ZNF609: variants seen among roughly 807,000 people sequenced by gnomAD.
The protein encoded by ZNF609 is zinc finger protein 609.
ZNF609 carries 11 observed loss-of-function variants against 109.5 expected under a neutral mutation model. The observed-to-expected ratio is 0.10, with a 90% CI of 0.06 to 0.17. The LOEUF is 0.17. ZNF609 is among the 10% of genes least tolerant of loss of function. The pLI is 1.00. For missense variants in ZNF609, 1,559 were observed against 1,772.4 expected (o/e 0.88, Z 2.16); for synonymous variants, 646 against 662.0 (o/e 0.98, Z 0.37).
At chr15:64,475,796 A>G (rs919130115) in intron 1 of ZNF609, among the ~76,000 whole-genome samples, 10 of 152,212 alleles carry the variant, frequency 6.6e-5, no homozygotes, top group Non-Finnish European at 1.0e-4. Flanking sequence ...CTCTTAGCCC[A>G]GTGCTTCTTT....
At chr15:64,550,101 A>G (rs915450632) in intron 2 of ZNF609, among the ~76,000 whole-genome samples, 5 of 151,818 alleles carry the variant, frequency 3.3e-5, no homozygotes, top group Admixed American at 2.0e-4. Flanking sequence ...ACAGGCATGC[A>G]CCACCACACC....
At chr15:64,586,657 CCT>C (rs1384249181) in intron 2 of ZNF609, among the ~76,000 whole-genome samples, 1 of 152,046 alleles carries the variant, frequency 6.6e-6, no homozygotes, top group Non-Finnish European at 1.5e-5. Flanking sequence ...CGCCAACCCC[CCT>C]CTGTCTGTGG....
At chr15:64,492,837 G>A (rs914414881) in intron 1 of ZNF609, among the ~76,000 whole-genome samples, 2 of 152,156 alleles carry the variant, frequency 1.3e-5, no homozygotes, top group African/African-American at 4.8e-5. Flanking sequence ...CTGACTCAGA[G>A]TTCATTGTTC....
At position 64,509,333 on chromosome 15, in the gene ZNF609, G is replaced by C. The variant is rs1012635451; in HGVS notation, c.747+9167G>C. ...AGTAAATAATAGTACTGACCTCATA[G>C]GGTTATTGTGAGGATTAAATGAGAT... On this transcript the variant is annotated intron_variant, in intron 2 of 9. Coordinates refer to ENST00000326648, the MANE Select transcript of ZNF609 (RefSeq NM_015042.2). Among the ~76,000 whole-genome samples, 54 of 152,144 alleles carry C rather than the reference G, an allele frequency of 3.5e-4. 1 individual carries two copies. The highest frequency in any genetic ancestry group is 3.3e-3 in the Admixed American group (51 of 15,270).
intron 2 of ZNF609, among the ~76,000 whole-genome samples, chr15:64,609,124 CTTTCT>C (rs1895670191): frequency 1.5e-4 from 5 of 33,394 alleles, no homozygotes; most frequent in Admixed American, 4.2e-4. Flanking sequence ...TTCTTTCTTT[CTTTCT>C]TTTTTTCTTT....
chr15:64,531,562 TA>T (rs1894061658), intron 2 of ZNF609, among the ~76,000 whole-genome samples: 1 of 152,086 alleles, frequency 6.6e-6, no homozygotes, highest in Non-Finnish European at 1.5e-5. Flanking sequence ...CATGCCCAGC[TA>T]ATTTTTTATA....
chr15:64,510,195 A>G (rs939315640), intron 2 of ZNF609, among the ~76,000 whole-genome samples: 1 of 129,038 alleles, frequency 7.7e-6, no homozygotes, highest in African/African-American at 2.6e-5. Context: ...CATTGTTATA[A>G]TTTTTTTTTC....
At chr15:64,607,846 TC>T in intron 2 of ZNF609, among the ~76,000 whole-genome samples, 2 of 21,860 alleles carry the variant, frequency 9.1e-5, no homozygotes, top group Non-Finnish European at 1.9e-4. Flanking sequence ...TTTCTTTCTT[TC>T]TTTCTTTCTT....
Position 64,674,071 on chromosome 15 carries a change from A to C in ZNF609, c.1217A>C (p.Asn406Thr). 6.2e-7 allele frequency: 1 copy of C among 1,614,198 alleles called. No homozygotes were observed. Among genetic ancestry groups the C allele is most frequent in the Non-Finnish European group, 8.5e-7 (1 of 1,180,034 alleles). ...AGCAGCAAAACCCGGGCAGGAGCCA[A>C]TAGCAAAGGCCGTCGGGGCAGCCAG... ...SNSSKTRAGA[N>T]SKGRRGSQNS... The change falls in exon 5 of 10, where the codon AAT (asparagine) becomes ACT (threonine). Residue 406 changes from asparagine (N) to threonine (T), a missense_variant. Physicochemically the swap from Asn to Thr is moderately conservative, Grantham distance 65. Transcript: ENST00000326648.
intron 1 of ZNF609, among the ~76,000 whole-genome samples, chr15:64,464,743 A>G (rs1205492722): frequency 2.0e-5 from 3 of 152,160 alleles, no homozygotes; most frequent in Non-Finnish European, 2.9e-5. Flanking sequence ...AGTGTCAGTG[A>G]AGGACTCTTT....
chr15:64,471,472 T>G (rs1893090485), intron 1 of ZNF609: 2 of 152,210 alleles, frequency 1.3e-5, no homozygotes, highest in African/African-American at 2.4e-5. Context: ...TTCCCAGCCA[T>G]CTATAGCACA....
At chr15:64,608,308 ATTG>A (rs61678816) in intron 2 of ZNF609, among the ~76,000 whole-genome samples, 7,301 of 152,246 alleles carry the variant, frequency 0.048, 229 homozygotes, top group South Asian at 0.086. Context: ...TTTTAATATA[ATTG>A]TATTTGTAAT....
intron 4 of ZNF609, among the ~76,000 whole-genome samples, chr15:64,670,932 G>A (rs1427938525): frequency 1.4e-5 from 2 of 147,748 alleles, no homozygotes; most frequent in Non-Finnish European, 3.0e-5. Flanking sequence ...TCGGGGGGCC[G>A]GGTACGGTGG....
Position 64,674,875 on chromosome 15 carries a change from C to T in ZNF609, c.2021C>T (p.Ala674Val), listed in dbSNP as rs1896785570. The T allele has an allele frequency of 6.2e-7, 1 of 1,614,038 alleles. No individual in the cohort carries two copies. Among genetic ancestry groups the T allele is most frequent in the Non-Finnish European group, 8.5e-7 (1 of 1,180,048 alleles). ...PPQQIYTFQT[A>V]TFTAASPGSS... is the part of the protein sequence containing the mutation. ...CAGCAAATCTACACCTTCCAGACAG[C>T]CACCTTCACAGCAGCGAGCCCAGGC... The change falls in exon 5 of 10, where the codon GCC (alanine) becomes GTC (valine). Residue 674 changes from alanine to valine, a missense_variant. Physicochemically the swap from Ala to Val is moderately conservative, Grantham distance 64. This residue lies in a region of ZNF609 where 1,204 missense variants were observed against 1,314.1 expected (regional missense o/e 0.92). Coordinates refer to ENST00000326648, the MANE Select transcript of ZNF609 (RefSeq NM_015042.2).
intron 1 of ZNF609, among the ~76,000 whole-genome samples, chr15:64,482,521 G>A (rs1447105497): frequency 6.6e-6 from 1 of 152,112 alleles, no homozygotes; most frequent in Non-Finnish European, 1.5e-5. Context: ...ATTGTAAGTG[G>A]CATGGTTACT....
At position 64,623,091 on chromosome 15, in the gene ZNF609, T is replaced by C. The variant is rs192705667; in HGVS notation, c.973+39T>C. The C allele has an allele frequency of 8.5e-5, 136 of 1,595,488 alleles. 1 individual carries two copies. Among genetic ancestry groups the C allele is most frequent in the East Asian group, 7.2e-4 (32 of 44,612 alleles). The stretch of plus-strand genomic sequence containing the variant: ...GTGGCTTTCCCCTCCCTTCTCAACC[T>C]GCTTCTGCAGGGGAGCCACCAGGGA... On this transcript the variant is annotated intron_variant, in intron 3 of 9. Coordinates refer to ENST00000326648, the MANE Select transcript of ZNF609 (RefSeq NM_015042.2).
chr15:64,633,147 T>G (rs959525007), intron 3 of ZNF609, among the ~76,000 whole-genome samples: 9 of 150,824 alleles, frequency 6.0e-5, no homozygotes, highest in African/African-American at 1.7e-4. Context: ...ACGTTTTGTT[T>G]TGTTTTGTTT....
At chr15:64,482,860 T>C (rs948737557) in intron 1 of ZNF609, among the ~76,000 whole-genome samples, 12 of 152,238 alleles carry the variant, frequency 7.9e-5, no homozygotes, top group African/African-American at 2.9e-4. Flanking sequence ...AATTGTTTTG[T>C]TGTGAATTAG....
intron 2 of ZNF609, among the ~76,000 whole-genome samples, chr15:64,541,933 A>T (rs1235440702): frequency 2.7e-5 from 4 of 148,782 alleles, no homozygotes; most frequent in Non-Finnish European, 4.4e-5. Flanking sequence ...TAACGAGTCC[A>T]TTTTTTCCTT....
Sources: allele counts gnomAD v4.1 joint callset (sites outside exome capture counted in the v4.1 genomes callset), GRCh38; gene constraint gnomAD v4.1.1; regional missense constraint gnomAD v4.1.1; transcripts MANE v1.5; gene names NCBI Gene and HGNC (gene_info 2026-07-23, HGNC 2026-07-21).